TUBGCP6: variants seen among roughly 807,000 people sequenced by gnomAD.
TUBGCP6 encodes the protein gamma-tubulin complex component 6.
A neutral mutation model predicts 175.8 loss-of-function variants in TUBGCP6; 161 were observed. The ratio of observed to expected loss-of-function variants is 0.92; its 90% CI spans 0.81 to 1.04. TUBGCP6 has a LOEUF of 1.04. Ranked by LOEUF, TUBGCP6 falls within the 50% of genes least tolerant of loss-of-function variation. The pLI, the probability that TUBGCP6 is intolerant of heterozygous loss-of-function variation, is 0.00. For missense variants in TUBGCP6, 2,572 were observed against 2,433.0 expected, an observed-to-expected ratio of 1.06 and a Z score of -1.20; for synonymous variants, 1,173 against 1,030.5, an observed-to-expected ratio of 1.14 and a Z score of -2.65.
chr22:50,238,574 G>C (rs1265196275), intron 2 of TUBGCP6, among the ~76,000 whole-genome samples: 2 of 140,308 alleles, frequency 1.4e-5, no homozygotes, highest in East Asian at 4.2e-4. Context: ...GTCTCGCTCT[G>C]TCACCCAGGC....
intron 3 of TUBGCP6, among the ~76,000 whole-genome samples, 196 bp downstream of exon 3, chr22:50,233,120 A>G (rs1325539535): frequency 6.6e-6 from 1 of 152,246 alleles, no homozygotes; most frequent in East Asian, 1.9e-4. Context: ...TTAAAAGGAC[A>G]TTAATAAATT....
Position 50,226,700 on chromosome 22 carries a change from G to A in TUBGCP6, c.1601+33C>T, listed in dbSNP as rs190965868. The A allele has an allele frequency of 5.2e-3, 7,977 of 1,532,646 alleles. 19 individuals are homozygous for A. The highest frequency in any genetic ancestry group is 6.8e-3 in the Middle Eastern group (39 of 5,718). 94.9% of individuals were successfully genotyped at this position (1,532,646 alleles called of 1,614,324 possible). A position where few individuals can be genotyped will look rare whatever the true frequency, so the allele number is the denominator to read the frequency against. On this transcript the variant is annotated intron_variant, in intron 7 of 24. Coordinates refer to ENST00000248846, the MANE Select transcript of TUBGCP6 (RefSeq NM_020461.4). ...TCAAGTGTCTGCCTGGTGGGAGTGC[G>A]CGCCCGCCGCGCCTGCCCAGCCCAC...
At position 50,227,989 on chromosome 22, in the gene TUBGCP6, G is replaced by T. The variant is rs745791584; in HGVS notation, c.1330C>A (p.Arg444=). The change falls in exon 5 of 25, where the codon CGG becomes AGG. Residue 444 remains arginine (R), a synonymous_variant. Coordinates refer to ENST00000248846, the MANE Select transcript of TUBGCP6 (RefSeq NM_020461.4). Reference sequence around the variant, plus strand: ...GGCGGAGTGGAAAGGACGCAGGCCCGGTAATACTGCAGGTACCTCCTCAGG... The same window carrying T: ...GGCGGAGTGGAAAGGACGCAGGCCCTGTAATACTGCAGGTACCTCCTCAGG... ...SGLRRYLQYY[R]ACVLSTPPTL... is the part of the protein sequence containing the mutation. The T allele has an allele frequency of 1.1e-5, 18 of 1,569,798 alleles. No homozygotes were observed. The highest frequency in any genetic ancestry group is 1.4e-5 in the Non-Finnish European group (16 of 1,157,528).
intron 7 of TUBGCP6, among the ~76,000 whole-genome samples, 159 bp downstream of exon 7, chr22:50,226,574 G>C (rs2064613548): frequency 7.0e-6 from 1 of 141,998 alleles, no homozygotes; most frequent in African/African-American, 2.6e-5. Flanking sequence ...GTGGAGTGGG[G>C]GCAGGGTGGG....
intron 5 of TUBGCP6, among the ~76,000 whole-genome samples, chr22:50,227,346 C>G (rs879365343): frequency 6.6e-6 from 1 of 152,104 alleles, no homozygotes; most frequent in Non-Finnish European, 1.5e-5. Flanking sequence ...GGCCAACACA[C>G]GAATCACCCT....
intron 2 of TUBGCP6, among the ~76,000 whole-genome samples, chr22:50,234,049 C>T (rs963669923): frequency 3.3e-5 from 5 of 150,394 alleles, no homozygotes; most frequent in Non-Finnish European, 7.4e-5. Context: ...TCCACTGCAG[C>T]ATCATCCACA....
chr22:50,233,370 T>C lies in TUBGCP6; in HGVS notation c.1062A>G (p.Lys354=), dbSNP rs372578405. ...PVLVKECELV[K]DVLNVLIGVV... is the part of the protein sequence containing the mutation. Reference sequence around the variant, plus strand: ...CCCCAATCAAGACGTTCAGCACGTCTTTCACCAGCTCGCACTCCTTCACCA... The same window carrying C: ...CCCCAATCAAGACGTTCAGCACGTCCTTCACCAGCTCGCACTCCTTCACCA... Residue 354 remains lysine, a synonymous_variant, in exon 3 of 25, where the codon AAA becomes AAG. Transcript: ENST00000248846. The C allele has an allele frequency of 3.4e-5, 55 of 1,614,016 alleles. 1 individual carries two copies. In the East Asian group the frequency reaches 7.8e-4, roughly 23 times the overall value.
chr22:50,226,924 C>A (rs1378038292), intron 6 of TUBGCP6, 75 bp downstream of exon 6: 2 of 1,561,594 alleles, frequency 1.3e-6, no homozygotes, highest in African/African-American at 2.7e-5. Flanking sequence ...CAGCAGCCCT[C>A]CAGGGACACG....
Position 50,219,992 on chromosome 22 carries a change from C to G in TUBGCP6, c.4132G>C (p.Glu1378Gln). The change falls in exon 17 of 25, where the codon GAG becomes CAG. Residue 1378 changes from glutamate to glutamine, a missense_variant. Transcript: ENST00000248846. The part of the protein sequence containing the change: ...ELGPGRSGDT[E>Q]DLSPNWPLNS... ...AGAGGCCAATTTGGAGAGAGGTCCT[C>G]AGTGTCCCCGCTCCTCCCAGGGCCT... The G allele has an allele frequency of 3.1e-6, 5 of 1,613,946 alleles. No homozygotes were observed. The highest frequency in any genetic ancestry group is 4.2e-6 in the Non-Finnish European group (5 of 1,179,940).
rs955468977 is a variant in TUBGCP6, at chr22:50,220,102, C to T, written c.4109-87G>A. ...CGAGCCGGCCCTGGCTCAAGCAGCC[C>T]CTCCCATGTCCCCCACAGCAGCCCA... On this transcript the variant is annotated intron_variant, in intron 16 of 24. Coordinates refer to ENST00000248846, the MANE Select transcript of TUBGCP6 (RefSeq NM_020461.4). 34 of 1,555,212 alleles carry T rather than the reference C, an allele frequency of 2.2e-5. No individual in the cohort carries two copies. The Middle Eastern group carries it at 6.8e-4, about 31-fold the overall frequency.
At position 50,221,119 on chromosome 22, in the gene TUBGCP6, G is replaced by A. The variant is rs145410588; in HGVS notation, c.3240C>T (p.His1080=). The A allele has an allele frequency of 3.6e-4, 573 of 1,601,306 alleles. 6 individuals are homozygous for A. In the South Asian group the frequency reaches 4.7e-3, roughly 13 times the overall value. ...TGATGCTGGCATTGGATACGTGTCC[G>A]TGGGTGTTCCACCGTGGCTGGGTGG... ...VAPTQPRWNT[H]GHVSNASISL... Residue 1080 remains histidine, a synonymous_variant, in exon 16 of 25, where the codon CAC becomes CAT. Coordinates refer to ENST00000248846, the MANE Select transcript of TUBGCP6 (RefSeq NM_020461.4).
intron 2 of TUBGCP6, among the ~76,000 whole-genome samples, chr22:50,237,181 C>G (rs781654165): frequency 1.3e-5 from 2 of 152,192 alleles, no homozygotes; most frequent in Non-Finnish European, 2.9e-5. Context: ...CGTGAGCAGT[C>G]GGACAATGGT....
At chr22:50,226,468 TGTCA>T (rs577422743) in intron 7 of TUBGCP6, 90 bp from the exon 8 acceptor site, 428 of 1,277,930 alleles carry the variant, frequency 3.3e-4, no homozygotes, top group African/African-American at 2.8e-3. Context: ...GGGGCGTGGC[TGTCA>T]GTGAGGGGCA....
At chr22:50,226,863 G>T (rs932899191) in intron 6 of TUBGCP6, 21 bp from the exon 7 acceptor site, 40 of 1,566,314 alleles carry the variant, frequency 2.6e-5, no homozygotes, top group East Asian at 1.6e-4. Context: ...CAAAGGGGGT[G>T]GGGGGCAGCT....
At chr22:50,233,291 G>A in intron 3 of TUBGCP6, 25 bp downstream of exon 3, 1 of 1,594,236 alleles carries the variant, frequency 6.3e-7, no homozygotes, top group Non-Finnish European at 8.6e-7. Flanking sequence ...CCACACCACT[G>A]TGGCGGGGAG....
Position 50,224,317 on chromosome 22 carries a change from A to G in TUBGCP6, c.2154+15T>C. On this transcript the variant is annotated intron_variant, in intron 12 of 24. Transcript: ENST00000248846. ...AACTGACAGGCGTGACCCCGCAGGGACAGGTCCTACCCACCTCCTGGTCCT... is the reference window on the plus strand; with the variant it reads ...AACTGACAGGCGTGACCCCGCAGGGGCAGGTCCTACCCACCTCCTGGTCCT... 1.2e-6 allele frequency: 2 copies of G among 1,614,212 alleles called. No homozygotes were observed. Among genetic ancestry groups the G allele is most frequent in the South Asian group, 2.2e-5 (2 of 91,086 alleles).
intron 1 of TUBGCP6, 146 bp downstream of exon 1, chr22:50,243,573 G>T (rs1209935273): frequency 2.6e-6 from 2 of 761,370 alleles, no homozygotes; most frequent in Admixed American, 3.6e-5. Flanking sequence ...AGCCAAGATC[G>T]CGCCACTGCA....
In TUBGCP6 at chr22:50,218,905, G is replaced by T; in HGVS notation, c.4627-8C>A. 1 of 1,605,878 alleles carries T rather than the reference G, an allele frequency of 6.2e-7. No homozygotes were observed. Among genetic ancestry groups the T allele is most frequent in the Non-Finnish European group, 8.5e-7 (1 of 1,175,506 alleles). ...CGTTTGCCCAGCTCCAAGCTAGGCA[G>T]AAAAGGGACCACCGTCCCCAGGAGT... On this transcript the variant is annotated splice_polypyrimidine_tract_variant and splice_region_variant and intron_variant, in intron 20 of 24. Coordinates refer to ENST00000248846, the MANE Select transcript of TUBGCP6 (RefSeq NM_020461.4).
In TUBGCP6 at chr22:50,227,894, T is replaced by C. The variant is rs559151172; in HGVS notation, c.1412+13A>G. 5.1e-6 allele frequency: 8 copies of C among 1,572,030 alleles called. No individual in the cohort carries two copies. The highest frequency in any genetic ancestry group is 1.4e-5 in the African/African-American group (1 of 73,924). ...CGCAAAGTCCCCTGCTCAGCCGCCA[T>C]GCTGAGGCTCACCTGAGCTGCCGGC... is the stretch of plus-strand genomic sequence containing the variant. On this transcript the variant is annotated intron_variant, in intron 5 of 24. Transcript: ENST00000248846.
Sources: allele counts gnomAD v4.1 joint callset (sites outside exome capture counted in the v4.1 genomes callset), GRCh38; gene constraint gnomAD v4.1.1; transcripts MANE v1.5; gene names NCBI Gene and HGNC (gene_info 2026-07-23, HGNC 2026-07-21).